The following CHFR variants were observed in gnomAD, a reference collection of about 807,000 sequenced individuals.
CHFR encodes the protein checkpoint with forkhead and ring finger domains, also known as E3 ubiquitin-protein ligase CHFR.
CHFR carries 57 observed loss-of-function variants against 87.6 expected under a neutral mutation model. That is an observed-to-expected ratio of 0.65 (90% CI 0.53 to 0.81). The LOEUF (loss-of-function observed/expected upper bound fraction) is 0.81. Ranked by LOEUF, CHFR falls within the 30% of genes least tolerant of loss-of-function variation. The pLI, the probability that CHFR is intolerant of heterozygous loss-of-function variation, is 0.00. For synonymous variants in CHFR, 381 were observed against 359.2 expected (o/e 1.06, Z -0.69); for missense variants, 797 against 865.8 (o/e 0.92, Z 1.00).
At chr12:132,866,420 A>T (rs545324835) in intron 6 of CHFR, 24 of 152,288 alleles carry the variant, frequency 1.6e-4, no homozygotes, top group African/African-American at 5.1e-4. Context: ...CCACACCGGA[A>T]TGTTACAACA....
In CHFR at chr12:132,887,234, A is replaced by C; in HGVS notation, c.95T>G (p.Leu32Arg). The C allele has an allele frequency of 6.6e-7, 1 of 1,503,990 alleles. No homozygotes were observed. Among genetic ancestry groups the C allele is most frequent in the South Asian group, 1.2e-5 (1 of 81,204 alleles). The allele number at this position is 1,503,990 out of a possible 1,614,324, so 93.2% of individuals were successfully genotyped here. A position where few individuals can be genotyped will look rare whatever the true frequency, so the allele number is the denominator to read the frequency against. The change falls in exon 2 of 18, where the codon CTC becomes CGC. Residue 32 changes from leucine to arginine, a missense_variant. By Grantham distance (102) the Leu-to-Arg change is moderately radical. Coordinates refer to ENST00000450056, the MANE Select transcript of CHFR (RefSeq NM_001161346.2). ...GATGGTCCACTCCCGCTTCCTCAGG[A>C]GGACGTGCGGCTCGCCCTCCTCCGC... ...LGAEEGEPHVLLRKREWTIGR... is the reference protein window; with the variant it reads ...LGAEEGEPHVRLRKREWTIGR...
Position 132,841,386 on chromosome 12 carries a change from A to T in CHFR, c.*168T>A. Reference sequence around the variant, plus strand: ...CCCCCGGGGCTCTGGGGAGGGTCTCACTCAGAGGGTAAAGCTCCACAGAAG... The same window carrying T: ...CCCCCGGGGCTCTGGGGAGGGTCTCTCTCAGAGGGTAAAGCTCCACAGAAG... On this transcript the variant is annotated 3_prime_UTR_variant, in exon 18 of 18. Coordinates refer to ENST00000450056, the MANE Select transcript of CHFR (RefSeq NM_001161346.2). 1.6e-6 allele frequency: 1 copy of T among 609,212 alleles called. No homozygotes were observed. Among genetic ancestry groups the T allele is most frequent in the East Asian group, 2.7e-5 (1 of 37,058 alleles). The allele number at this position is 609,212 out of a possible 1,614,324, so 37.7% of individuals were successfully genotyped here. A position where few individuals can be genotyped will look rare whatever the true frequency, so the allele number is the denominator to read the frequency against.
chr12:132,861,159 G>T (rs538323737), intron 7 of CHFR, among the ~76,000 whole-genome samples: 3 of 152,322 alleles, frequency 2.0e-5, no homozygotes, highest in African/African-American at 7.2e-5. Flanking sequence ...TAGGATTACG[G>T]ATATGAACTA....
intron 15 of CHFR, among the ~76,000 whole-genome samples, chr12:132,844,787 T>C (rs1409376321): frequency 0.064 from 7,416 of 116,524 alleles, no homozygotes; most frequent in Non-Finnish European, 0.11. Flanking sequence ...TGTGCCACCG[T>C]GCCCGGCTAA....
chr12:132,870,334 A>C (rs1437648566), intron 5 of CHFR, among the ~76,000 whole-genome samples: 2 of 150,808 alleles, frequency 1.3e-5, no homozygotes, highest in Non-Finnish European at 2.9e-5. Context: ...CCTGGGCGAC[A>C]AAGCGCGACT....
intron 16 of CHFR, among the ~76,000 whole-genome samples, chr12:132,843,681 T>C (rs1454597919): frequency 6.6e-6 from 1 of 151,664 alleles, no homozygotes; most frequent in East Asian, 1.9e-4. Context: ...AAGAAAAGAG[T>C]GCTGGCCGAG....
intron 2 of CHFR, among the ~76,000 whole-genome samples, chr12:132,878,830 A>C (rs938095060): frequency 1.4e-5 from 2 of 143,354 alleles, no homozygotes; most frequent in African/African-American, 2.5e-5. Context: ...AAAAAAAAAA[A>C]AAGAAAAAAA....
At chr12:132,863,233 C>T (rs575866981) in intron 6 of CHFR, among the ~76,000 whole-genome samples, 4 of 149,144 alleles carry the variant, frequency 2.7e-5, no homozygotes, top group South Asian at 2.2e-4. Flanking sequence ...AAATGCCAGG[C>T]GCGGTGGCTC....
intron 15 of CHFR, 30 bp downstream of exon 15, chr12:132,847,013 C>G: frequency 6.4e-7 from 1 of 1,557,096 alleles, no homozygotes; most frequent in Non-Finnish European, 8.9e-7. Context: ...TCACATGCGC[C>G]TTAGAGCAGG....
chr12:132,841,604 G>C lies in CHFR; in HGVS notation c.1917-8C>G. The C allele has an allele frequency of 6.2e-7, 1 of 1,612,884 alleles. No homozygotes were observed. Among genetic ancestry groups the C allele is most frequent in the Non-Finnish European group, 8.5e-7 (1 of 1,178,930 alleles). On this transcript the variant is annotated splice_region_variant and splice_polypyrimidine_tract_variant and intron_variant, in intron 17 of 17. Transcript: ENST00000450056. ...CAGATATGATTGAATTTCCTGCAGG[G>C]AGAAAATGGCCAAATTACACAAGAG...
chr12:132,887,366 G>A (rs774088247), intron 1 of CHFR, 26 bp from the exon 2 acceptor site: 7 of 1,341,736 alleles, frequency 5.2e-6, no homozygotes, highest in South Asian at 1.8e-5. Context: ...AAACGCCCAT[G>A]GAGACTCCCG....
intron 2 of CHFR, among the ~76,000 whole-genome samples, chr12:132,884,874 C>G (rs976210655): frequency 6.6e-6 from 1 of 152,034 alleles, no homozygotes; most frequent in African/African-American, 2.4e-5. Context: ...ATTGCTGGAG[C>G]TCAGGAGTTC....
In CHFR at chr12:132,861,507, A is replaced by G. The variant is rs1566189143; in HGVS notation, c.711T>C (p.Asp237=). 1 of 1,614,190 alleles carries G rather than the reference A, an allele frequency of 6.2e-7. No individual in the cohort carries two copies. The highest frequency in any genetic ancestry group is 2.2e-5 in the East Asian group (1 of 44,882). The change falls in exon 7 of 18, where the codon GAT becomes GAC. Residue 237 remains aspartate (D), a synonymous_variant. Transcript: ENST00000450056. ...TCTTCACGGGCTCCAAATCCTCCTG[A>G]TCCTGGGGTTCCAACGACGAAAAGG... The part of the protein sequence containing the change: ...TASFSSLEPQ[D]QEDLEPVKKK...
At chr12:132,844,735 A>T (rs1170461592) in intron 15 of CHFR, among the ~76,000 whole-genome samples, 1 of 151,896 alleles carries the variant, frequency 6.6e-6, no homozygotes, top group African/African-American at 2.4e-5. Context: ...CGTTCAACTG[A>T]TTCTCCTGTC....
Position 132,864,324 on chromosome 12 carries a change from C to T in CHFR, c.584-2690G>A, listed in dbSNP as rs565844477. ...CACCCACTCACGCCATCATCTCCAG[C>T]GCCCCGTGCTCAGCCAACGTGGAGA... On this transcript the variant is annotated intron_variant, in intron 6 of 17. Coordinates refer to ENST00000450056, the MANE Select transcript of CHFR (RefSeq NM_001161346.2). 5.9e-5 allele frequency among the ~76,000 whole-genome samples: 9 copies of T among 152,330 alleles called. 1 individual carries two copies. The highest frequency in any genetic ancestry group is 2.6e-4 in the Admixed American group (4 of 15,292).
intron 2 of CHFR, among the ~76,000 whole-genome samples, chr12:132,881,825 G>A (rs544311918): frequency 1.7e-3 from 252 of 148,712 alleles, no homozygotes; most frequent in African/African-American, 5.9e-3. Flanking sequence ...CTGAGATTGC[G>A]CCACTGCAAA....
At chr12:132,856,360 G>C in intron 10 of CHFR, 108 bp downstream of exon 10, 1 of 1,224,002 alleles carries the variant, frequency 8.2e-7, no homozygotes, top group East Asian at 2.3e-5. Flanking sequence ...GCTCAGGGCA[G>C]AACTAGATCT....
chr12:132,862,347 C>T (rs1390162710), intron 6 of CHFR: 1 of 410,906 alleles, frequency 2.4e-6, no homozygotes, highest in Non-Finnish European at 4.8e-6. Context: ...AATCACAATA[C>T]TTTGGGAGGC....
Position 132,841,194 on chromosome 12 carries a change from A to C in CHFR, c.*360T>G. On this transcript the variant is annotated 3_prime_UTR_variant, in exon 18 of 18. Transcript: ENST00000450056. ...GATAAACTTGCCCTTCTCCCTTGAAACTTTTCCTAAAAACAGACTTCTGCT... is the reference window on the plus strand; with the variant it reads ...GATAAACTTGCCCTTCTCCCTTGAACCTTTTCCTAAAAACAGACTTCTGCT... The C allele has an allele frequency of 4.7e-6, 1 of 212,404 alleles. No individual in the cohort carries two copies. Among genetic ancestry groups the C allele is most frequent in the South Asian group, 1.1e-4 (1 of 9,156 alleles). The allele number at this position is 212,404 out of a possible 1,614,324, so 13.2% of individuals were successfully genotyped here. A position where few individuals can be genotyped will look rare whatever the true frequency, so the allele number is the denominator to read the frequency against.
Sources: gnomAD v4.1 joint callset for allele counts (sites outside exome capture counted in the v4.1 genomes callset) on GRCh38, gnomAD v4.1.1 for gene constraint, MANE v1.5 for transcripts, NCBI Gene and HGNC (gene_info 2026-07-23, HGNC 2026-07-21) for gene names.